Variants in GCNT2 observed in about 807,000 individuals in gnomAD.
GCNT2 encodes the protein N-acetyllactosaminide beta-1,6-N-acetylglucosaminyl-transferase.
A neutral mutation model predicts 34.2 loss-of-function variants in GCNT2; 34 were observed. The observed-to-expected ratio is 1.00, with a 90% CI of 0.76 to 1.32. GCNT2 has a LOEUF of 1.32. Ranked by LOEUF, GCNT2 falls within the 40% of genes most tolerant of loss-of-function variation. The probability of loss-of-function intolerance (pLI) is 0.00; values close to 1 mark genes in which losing one functional copy is unlikely to be tolerated. For missense variants in GCNT2, 584 were observed against 489.4 expected (o/e 1.19, Z -1.82); for synonymous variants, 212 against 188.0 (o/e 1.13, Z -1.04).
intron 3 of GCNT2, among the ~76,000 whole-genome samples, chr6:10,609,588 G>A (rs1765465510): frequency 6.6e-6 from 1 of 152,182 alleles, no homozygotes; most frequent in Admixed American, 6.5e-5. Context: ...CTTATGTGTT[G>A]TGGTCAGCAT....
At chr6:10,617,360 A>C (rs1295262149) in intron 3 of GCNT2, among the ~76,000 whole-genome samples, 1 of 152,186 alleles carries the variant, frequency 6.6e-6, no homozygotes, top group African/African-American at 2.4e-5. Flanking sequence ...CTGGCCGGCA[A>C]GCGCTGCGCG....
At chr6:10,558,175 T>C (rs1245593704) in intron 3 of GCNT2, among the ~76,000 whole-genome samples, 1 of 152,234 alleles carries the variant, frequency 6.6e-6, no homozygotes, top group Non-Finnish European at 1.5e-5. Context: ...GGGTTTGTTC[T>C]TGGTCTCCTC....
intron 3 of GCNT2, among the ~76,000 whole-genome samples, chr6:10,558,408 T>C (rs1339170040): frequency 6.6e-6 from 1 of 152,204 alleles, no homozygotes; most frequent in Non-Finnish European, 1.5e-5. Flanking sequence ...ATATTATATG[T>C]GTAGGATTTT....
intron 1 of GCNT2, among the ~76,000 whole-genome samples, chr6:10,522,308 T>A (rs1760953593): frequency 6.6e-6 from 1 of 152,206 alleles, no homozygotes; most frequent in African/African-American, 2.4e-5. Flanking sequence ...AAGTAGTAGA[T>A]CCATATTGCC....
chr6:10,590,413 A>T (rs1378187624), intron 3 of GCNT2, among the ~76,000 whole-genome samples: 2 of 150,866 alleles, frequency 1.3e-5, no homozygotes, highest in African/African-American at 2.4e-5. Context: ...AAAAAAAAAA[A>T]TGCTAGGCTT....
intron 2 of GCNT2, 57 bp downstream of exon 2, chr6:10,527,717 A>ATGTGTGTGTG (rs141470231): frequency 0.081 from 12,386 of 152,218 alleles, 581 homozygotes; most frequent in Middle Eastern, 0.13. Context: ...GTGTGTATGC[A>ATGTGTGTGTG]TGCGTGTGTG....
At position 10,579,139 on chromosome 6, in the gene GCNT2, C is replaced by G. The variant is rs138748594; in HGVS notation, c.926-42212C>G. Among the ~76,000 whole-genome samples, 20 of 152,258 alleles carry G rather than the reference C, an allele frequency of 1.3e-4. No individual in the cohort carries two copies. The East Asian group carries it at 3.9e-3, about 29-fold the overall frequency. On this transcript the variant is annotated intron_variant, in intron 3 of 4. Transcript: ENST00000495262. ...TTCTGCTTTGTGATTGTCATGTACT[C>G]TGCCTGCTTTTCTCTTTGGTTATTT...
At chr6:10,538,877 A>G (rs1451519819) in intron 3 of GCNT2, among the ~76,000 whole-genome samples, 1 of 152,126 alleles carries the variant, frequency 6.6e-6, no homozygotes, top group Non-Finnish European at 1.5e-5. Flanking sequence ...TTAGGTAGCA[A>G]TTTCCTTTTT....
chr6:10,539,831 A>G (rs928529169), intron 3 of GCNT2, among the ~76,000 whole-genome samples: 5 of 152,252 alleles, frequency 3.3e-5, no homozygotes, highest in Non-Finnish European at 5.9e-5. Flanking sequence ...CATGCCTGTA[A>G]TCCCAACACT....
rs925261076 is a variant in GCNT2 at position 10,581,804 on chromosome 6, C to G, written c.926-39547C>G. On this transcript the variant is annotated intron_variant, in intron 3 of 4. Transcript: ENST00000495262. ...CTTTTCTCACTCCAACTTTCCCCTT[C>G]TGTTCTCCACAAGACCTGCCAAGGA... 4 of 984,946 alleles carry G rather than the reference C, an allele frequency of 4.1e-6. No individual in the cohort carries two copies. In the African/African-American group the frequency reaches 5.2e-5, roughly 13 times the overall value. The allele number at this position is 984,946 out of a possible 1,614,324, so 61.0% of individuals were successfully genotyped here. A position where few individuals can be genotyped will look rare whatever the true frequency, so the allele number is the denominator to read the frequency against.
rs188870112 is a variant in GCNT2 at position 10,607,914 on chromosome 6, C to A, written c.926-13437C>A. 2.1e-3 allele frequency among the ~76,000 whole-genome samples: 314 copies of A among 152,228 alleles called. 1 individual carries two copies. The highest frequency in any genetic ancestry group is 3.5e-3 in the Non-Finnish European group (237 of 68,024). On this transcript the variant is annotated intron_variant, in intron 3 of 4. Transcript: ENST00000495262. ...AGAGATTAGATAACCTGTCAGTGGT[C>A]TCACAGTTAGTAATTGACAGAGCAG...
chr6:10,581,451 G>C (rs1373363183), intron 3 of GCNT2, among the ~76,000 whole-genome samples: 1 of 151,924 alleles, frequency 6.6e-6, no homozygotes, highest in Non-Finnish European at 1.5e-5. Flanking sequence ...TGTATTTTTA[G>C]TAGAGACAGG....
At chr6:10,550,306 G>GATT (rs1413617859) in intron 3 of GCNT2, among the ~76,000 whole-genome samples, 1 of 151,936 alleles carries the variant, frequency 6.6e-6, no homozygotes, top group African/African-American at 2.4e-5. Flanking sequence ...AAAGTGCTGG[G>GATT]ATTATAGGCA....
At chr6:10,626,088 C>T (rs1363670684) in intron 4 of GCNT2, among the ~76,000 whole-genome samples, 1 of 152,062 alleles carries the variant, frequency 6.6e-6, no homozygotes, top group East Asian at 1.9e-4. Context: ...ACATGAATGA[C>T]CTTGTAACAC....
At chr6:10,595,153 T>A (rs575848612) in intron 3 of GCNT2, among the ~76,000 whole-genome samples, 38 of 152,338 alleles carry the variant, frequency 2.5e-4, no homozygotes, top group African/African-American at 8.7e-4. Context: ...TACATAACAC[T>A]ATGAAATGTG....
intron 4 of GCNT2, among the ~76,000 whole-genome samples, chr6:10,622,639 T>C (rs549567474): frequency 6.6e-6 from 1 of 152,020 alleles, no homozygotes; most frequent in East Asian, 1.9e-4. Flanking sequence ...ATTTATTTAG[T>C]AAGTGATTGT....
At chr6:10,555,262 A>T (rs1004011954) in intron 3 of GCNT2, among the ~76,000 whole-genome samples, 2 of 152,196 alleles carry the variant, frequency 1.3e-5, no homozygotes, top group Non-Finnish European at 2.9e-5. Context: ...GCATTAATCT[A>T]CATTTCATTA....
At chr6:10,620,978 A>G (rs756041857) in intron 3 of GCNT2, among the ~76,000 whole-genome samples, 4 of 152,166 alleles carry the variant, frequency 2.6e-5, no homozygotes, top group South Asian at 4.1e-4. Flanking sequence ...ACAACAAAGA[A>G]TCATCCAGCC....
intron 3 of GCNT2, among the ~76,000 whole-genome samples, chr6:10,549,333 TC>T (rs1189054213): frequency 7.2e-5 from 11 of 152,266 alleles, no homozygotes; most frequent in Admixed American, 4.6e-4. Flanking sequence ...GACTTAGATA[TC>T]TTTTGATGAA....
Sources: gnomAD v4.1 joint callset for allele counts (sites outside exome capture counted in the v4.1 genomes callset) on GRCh38, gnomAD v4.1.1 for gene constraint, MANE v1.5 for transcripts, NCBI Gene and HGNC (gene_info 2026-07-23, HGNC 2026-07-21) for gene names.